The following ALPK2 variants were observed in gnomAD, a reference collection of about 807,000 sequenced individuals.
ALPK2 encodes alpha kinase 2.
In ALPK2, 127 loss-of-function variants were observed where a neutral mutation model predicts 163.1. The ratio of observed to expected loss-of-function variants is 0.78; its 90% CI spans 0.67 to 0.90. The LOEUF (loss-of-function observed/expected upper bound fraction) is 0.90. Ranked by LOEUF, ALPK2 falls within the 40% of genes least tolerant of loss-of-function variation. ALPK2 has a pLI of 0.00. For synonymous variants in ALPK2, 953 were observed against 959.1 expected, an observed-to-expected ratio of 0.99 and a Z score of 0.12; for missense variants, 2,360 against 2,589.6, an observed-to-expected ratio of 0.91 and a Z score of 1.92.
At chr18:58,488,648 AC>A (rs1489194515) in intron 12 of ALPK2, among the ~76,000 whole-genome samples, 1 of 151,862 alleles carries the variant, frequency 6.6e-6, no homozygotes, top group Admixed American at 6.6e-5. Context: ...TTAGATGCCA[AC>A]CAGAAGCTAC....
chr18:58,626,688 T>TA (rs200225407), intron 1 of ALPK2, among the ~76,000 whole-genome samples: 61 of 151,918 alleles, frequency 4.0e-4, no homozygotes, highest in African/African-American at 1.3e-3. Flanking sequence ...CTATTTTTAG[T>TA]AAAAAAAAAT....
intron 4 of ALPK2, among the ~76,000 whole-genome samples, chr18:58,546,874 A>G (rs1568081640): frequency 6.6e-6 from 1 of 152,196 alleles, no homozygotes; most frequent in South Asian, 2.1e-4. Context: ...ATGAAGCCCC[A>G]TGATTTCTCT....
intron 4 of ALPK2, among the ~76,000 whole-genome samples, chr18:58,573,374 A>G (rs1294709163): frequency 6.9e-5 from 10 of 144,128 alleles, no homozygotes; most frequent in African/African-American, 1.3e-4. Flanking sequence ...GTATATATAT[A>G]TGTGTGTGTA....
intron 4 of ALPK2, chr18:58,543,257 G>C: frequency 1.4e-6 from 1 of 706,418 alleles, no homozygotes; most frequent in Non-Finnish European, 1.7e-6. Flanking sequence ...TCAGTCTCCA[G>C]AGCTGTAAGA....
Position 58,535,885 on chromosome 18 carries a change from ACCC to A in ALPK2, c.4299_4301del (p.Gly1434del), listed in dbSNP as rs758685358. 4.3e-6 allele frequency: 7 copies of A among 1,612,310 alleles called. No individual in the cohort carries two copies. The highest frequency in any genetic ancestry group is 5.9e-6 in the Non-Finnish European group (7 of 1,179,448). On this transcript the variant is annotated inframe_deletion, in exon 5 of 13. Coordinates refer to ENST00000361673, the MANE Select transcript of ALPK2 (RefSeq NM_052947.4). The stretch of plus-strand genomic sequence containing the variant: ...GGCCCATGTTTCCGTCATTTGATTG[ACCC>A]CCTTCTCTGGCGCCCTGTGGTGTGG...
Position 58,491,807 on chromosome 18 carries a change from G to C in ALPK2, c.6296+6242C>G, listed in dbSNP as rs55672910. Among the ~76,000 whole-genome samples, 380 of 152,314 alleles carry C rather than the reference G, an allele frequency of 2.5e-3. 6 individuals are homozygous for C. The highest frequency in any genetic ancestry group is 0.02 in the Admixed American group (303 of 15,302). On this transcript the variant is annotated intron_variant, in intron 12 of 12. Transcript: ENST00000361673. ...AGGCATACAGGCAAGGAGAACTTGT[G>C]GGGCGGTTACAGGAGCCTCTGCAGG...
At chr18:58,620,242 G>A (rs1161120968) in intron 1 of ALPK2, among the ~76,000 whole-genome samples, 1 of 152,162 alleles carries the variant, frequency 6.6e-6, no homozygotes, top group Non-Finnish European at 1.5e-5. Context: ...AGAGAGCCGA[G>A]ATCACGCCAT....
At chr18:58,539,706 G>A (rs1045575835) in intron 4 of ALPK2, among the ~76,000 whole-genome samples, 1 of 152,168 alleles carries the variant, frequency 6.6e-6, no homozygotes, top group Non-Finnish European at 1.5e-5. Flanking sequence ...TGACAAAACA[G>A]AGCTGAAATG....
chr18:58,618,835 C>T (rs143040554), intron 1 of ALPK2, among the ~76,000 whole-genome samples: 4 of 152,150 alleles, frequency 2.6e-5, no homozygotes, highest in Middle Eastern at 3.4e-3. Flanking sequence ...GTCAGCAAGT[C>T]GCATGGCTGC....
intron 4 of ALPK2, among the ~76,000 whole-genome samples, chr18:58,571,237 G>A (rs2051884228): frequency 6.6e-6 from 1 of 151,928 alleles, no homozygotes; most frequent in South Asian, 2.1e-4. Flanking sequence ...GGCCAGGCTG[G>A]TCTTGAACTC....
At chr18:58,617,150 C>T (rs1394901852) in intron 1 of ALPK2, among the ~76,000 whole-genome samples, 1 of 152,148 alleles carries the variant, frequency 6.6e-6, no homozygotes, top group African/African-American at 2.4e-5. Context: ...TTTCCCTAAA[C>T]AGTGGATTGT....
chr18:58,536,176 T>G lies in ALPK2; in HGVS notation c.4011A>C (p.Arg1337Ser), dbSNP rs762836191. ...SLSSRGFSQP[R>S]LLESSVDPVD... Reference sequence around the variant, plus strand: ...CAGGGTCCACGGATGACTCCAGGAGTCTGGGTTGGCTGAAACCCCGGGAAG... The same window carrying G: ...CAGGGTCCACGGATGACTCCAGGAGGCTGGGTTGGCTGAAACCCCGGGAAG... Residue 1337 changes from arginine to serine, a missense_variant, in exon 5 of 13, where the codon AGA becomes AGC. Coordinates refer to ENST00000361673, the MANE Select transcript of ALPK2 (RefSeq NM_052947.4). The G allele has an allele frequency of 6.2e-7, 1 of 1,613,878 alleles. No homozygotes were observed. Among genetic ancestry groups the G allele is most frequent in the Non-Finnish European group, 8.5e-7 (1 of 1,179,992 alleles).
intron 4 of ALPK2, among the ~76,000 whole-genome samples, chr18:58,547,242 A>G (rs1044943855): frequency 6.6e-6 from 1 of 152,174 alleles, no homozygotes; most frequent in Admixed American, 6.5e-5. Flanking sequence ...GTGGACTCCT[A>G]TGGCTTCTAG....
chr18:58,608,521 T>C (rs2052109931), intron 2 of ALPK2, among the ~76,000 whole-genome samples: 1 of 152,198 alleles, frequency 6.6e-6, no homozygotes, highest in African/African-American at 2.4e-5. Flanking sequence ...AAATGTGCCA[T>C]ATGCACAGGA....
chr18:58,576,246 T>A (rs928967300), intron 4 of ALPK2, among the ~76,000 whole-genome samples: 4 of 152,078 alleles, frequency 2.6e-5, no homozygotes, highest in Non-Finnish European at 5.9e-5. Flanking sequence ...TGGTGGCGGG[T>A]GCCTGTAATC....
rs2051313337 is a variant in ALPK2 at position 58,481,880 on chromosome 18, T to G, written c.6456A>C (p.Thr2152=). ...CTGCCTTCTTTATTGTCATAGAGTT[T>G]GTTTGAACTTTGCTTTTCCCAATGC... ...QPSIGKSKVQ[T]NSMTIKKAGP... is the part of the protein sequence containing the mutation. Residue 2152 remains threonine, a synonymous_variant, in exon 13 of 13, where the codon ACA becomes ACC. Transcript: ENST00000361673. The G allele has an allele frequency of 6.2e-7, 1 of 1,614,086 alleles. No individual in the cohort carries two copies. The highest frequency in any genetic ancestry group is 8.5e-7 in the Non-Finnish European group (1 of 1,180,042).
chr18:58,598,403 A>C (rs1790920169), intron 3 of ALPK2, among the ~76,000 whole-genome samples: 1 of 152,150 alleles, frequency 6.6e-6, no homozygotes, highest in South Asian at 2.1e-4. Context: ...GCAGACGGGG[A>C]GGGGCGTGAG....
intron 11 of ALPK2, among the ~76,000 whole-genome samples, chr18:58,503,569 T>C (rs546218389): frequency 6.6e-6 from 1 of 152,270 alleles, no homozygotes; most frequent in East Asian, 1.9e-4. Flanking sequence ...TGTGGTAGAA[T>C]GCATGTGCAG....
chr18:58,559,107 TC>T (rs2051810209), intron 4 of ALPK2, among the ~76,000 whole-genome samples: 1 of 152,250 alleles, frequency 6.6e-6, no homozygotes, highest in Non-Finnish European at 1.5e-5. Context: ...ATAACTATTT[TC>T]TTTCCCAACT....
Sources: allele counts gnomAD v4.1 joint callset (sites outside exome capture counted in the v4.1 genomes callset), GRCh38; gene constraint gnomAD v4.1.1; transcripts MANE v1.5; gene names NCBI Gene and HGNC (gene_info 2026-07-23, HGNC 2026-07-21).